The following GREB1L variants were observed in gnomAD, a reference collection of about 807,000 sequenced individuals.
GREB1L encodes GREB1 like retinoic acid receptor coactivator, also known as GREB1-like protein.
GREB1L carries 17 observed loss-of-function variants against 200.8 expected under a neutral mutation model. That is an observed-to-expected ratio of 0.08 (90% CI 0.06 to 0.13). The LOEUF is 0.13. GREB1L is among the 10% of genes least tolerant of loss of function. GREB1L has a pLI of 1.00. For missense variants in GREB1L, 1,657 were observed against 2,367.7 expected (o/e 0.70, Z 6.23); for synonymous variants, 789 against 893.0 (o/e 0.88, Z 2.08).
intron 12 of GREB1L, chr18:21,450,629 C>T (rs2034474192): frequency 1.9e-5 from 3 of 158,300 alleles, no homozygotes; most frequent in African/African-American, 7.2e-5. Flanking sequence ...TTTTCATACT[C>T]TTCCCTAGTC....
intron 15 of GREB1L, among the ~76,000 whole-genome samples, chr18:21,469,159 C>T (rs1423862392): frequency 6.6e-6 from 1 of 152,168 alleles, no homozygotes; most frequent in Admixed American, 6.5e-5. Context: ...ATCTTGCCTG[C>T]AATTTATTGT....
intron 1 of GREB1L, among the ~76,000 whole-genome samples, chr18:21,245,163 T>A (rs1038806257): frequency 6.6e-6 from 1 of 152,182 alleles, no homozygotes; most frequent in Non-Finnish European, 1.5e-5. Context: ...CTGCGTATGG[T>A]CTAAATTAAG....
chr18:21,438,991 AAAAG>A (rs963087467), intron 7 of GREB1L, among the ~76,000 whole-genome samples: 11 of 151,162 alleles, frequency 7.3e-5, no homozygotes, highest in African/African-American at 1.7e-4. Flanking sequence ...AAAAGAAAAG[AAAAG>A]AAAGAAAGAA....
chr18:21,390,050 G>T (rs1482076531), intron 4 of GREB1L, among the ~76,000 whole-genome samples: 1 of 152,130 alleles, frequency 6.6e-6, no homozygotes, highest in Non-Finnish European at 1.5e-5. Context: ...CATTGGTCCT[G>T]TAGGTTCCAA....
chr18:21,286,711 A>G (rs1188950133), intron 1 of GREB1L, among the ~76,000 whole-genome samples: 1 of 152,204 alleles, frequency 6.6e-6, no homozygotes, highest in Non-Finnish European at 1.5e-5. Flanking sequence ...TTTGTCACCC[A>G]GGCTGGAGTG....
intron 1 of GREB1L, among the ~76,000 whole-genome samples, chr18:21,344,721 T>C (rs1212319635): frequency 6.6e-6 from 1 of 152,154 alleles, no homozygotes; most frequent in African/African-American, 2.4e-5. Context: ...AGGCCAGGTG[T>C]TTAATAGCTG....
chr18:21,485,332 CCTT>C (rs1410178037), intron 17 of GREB1L: 2 of 262,114 alleles, frequency 7.6e-6, no homozygotes, highest in Non-Finnish European at 1.5e-5. Flanking sequence ...GGCTGTCTGA[CCTT>C]GTGTATCCCA....
intron 1 of GREB1L, among the ~76,000 whole-genome samples, chr18:21,268,520 TATAC>T (rs1312424294): frequency 1.9e-4 from 14 of 75,028 alleles, no homozygotes; most frequent in South Asian, 5.0e-4. Context: ...TGTATATATA[TATAC>T]ACACACACAC....
chr18:21,441,171 T>G (rs2033878206), intron 9 of GREB1L, among the ~76,000 whole-genome samples: 2 of 152,166 alleles, frequency 1.3e-5, no homozygotes, highest in Non-Finnish European at 2.9e-5. Context: ...GGAAGGAAAA[T>G]CAGCAAAATG....
chr18:21,515,352 C>T lies in GREB1L; in HGVS notation c.4902-65C>T, dbSNP rs1446528787. 1.5e-5 allele frequency: 16 copies of T among 1,088,068 alleles called. No homozygotes were observed. The East Asian group carries it at 3.3e-4, about 23-fold the overall frequency. The allele number at this position is 1,088,068 out of a possible 1,614,324, so 67.4% of individuals were successfully genotyped here. A position where few individuals can be genotyped will look rare whatever the true frequency, so the allele number is the denominator to read the frequency against. On this transcript the variant is annotated intron_variant, in intron 28 of 32. Transcript: ENST00000424526. ...TTACTGGTATATAGTAGTGTGTAGA[C>T]ACTTCACAAATGATCCTCTCTTCTG...
chr18:21,406,196 C>T (rs1451192201), intron 7 of GREB1L, among the ~76,000 whole-genome samples: 2 of 151,766 alleles, frequency 1.3e-5, no homozygotes, highest in African/African-American at 2.4e-5. Flanking sequence ...TTAATTCTAC[C>T]GGAAAATATA....
chr18:21,478,602 A>G (rs1203424884), intron 17 of GREB1L, among the ~76,000 whole-genome samples: 1 of 152,240 alleles, frequency 6.6e-6, no homozygotes, highest in Non-Finnish European at 1.5e-5. Flanking sequence ...CAGGAAGCTC[A>G]GGTCCTTGAA....
chr18:21,430,208 A>G lies in GREB1L; in HGVS notation c.833-9313A>G, dbSNP rs184258330. 6.2e-4 allele frequency among the ~76,000 whole-genome samples: 94 copies of G among 152,178 alleles called. 1 individual carries two copies. Among genetic ancestry groups the G allele is most frequent in the South Asian group, 4.4e-3 (21 of 4,824 alleles). On this transcript the variant is annotated intron_variant, in intron 7 of 32. Coordinates refer to ENST00000424526, the MANE Select transcript of GREB1L (RefSeq NM_001142966.3). Reference sequence around the variant, plus strand: ...TAGGAATTGGGGCCTCAACATATGGATTGCGGGGAGACAATTCAGTCTATA... The same window carrying G: ...TAGGAATTGGGGCCTCAACATATGGGTTGCGGGGAGACAATTCAGTCTATA...
chr18:21,259,274 G>A (rs1371753068), intron 1 of GREB1L, among the ~76,000 whole-genome samples: 1 of 152,164 alleles, frequency 6.6e-6, no homozygotes, highest in Non-Finnish European at 1.5e-5. Context: ...ATGATTTCAT[G>A]AAATACATTT....
At chr18:21,444,782 G>T (rs1287467684) in intron 11 of GREB1L, among the ~76,000 whole-genome samples, 4 of 152,222 alleles carry the variant, frequency 2.6e-5, no homozygotes, top group Non-Finnish European at 5.9e-5. Flanking sequence ...ACCATCTGGA[G>T]TGCAAACACA....
chr18:21,380,047 A>T (rs536576200), intron 2 of GREB1L, among the ~76,000 whole-genome samples: 2 of 152,300 alleles, frequency 1.3e-5, no homozygotes, highest in Admixed American at 1.3e-4. Flanking sequence ...ATTTAAATTC[A>T]TGGCATTTTG....
chr18:21,434,634 G>C (rs12455721), intron 7 of GREB1L, among the ~76,000 whole-genome samples: 3,029 of 150,878 alleles, frequency 0.02, 51 homozygotes, highest in Non-Finnish European at 0.032. Flanking sequence ...AGTTAACTTT[G>C]ACTAGGTTAA....
At chr18:21,374,850 C>CTTTTTTTTTTTTT in intron 2 of GREB1L, among the ~76,000 whole-genome samples, 1 of 130,258 alleles carries the variant, frequency 7.7e-6, no homozygotes, top group Non-Finnish European at 1.6e-5. Context: ...TTTCCTTTTC[C>CTTTTTTTTTTTTT]TTTTTTTTTT....
At chr18:21,484,429 T>C (rs538553267) in intron 17 of GREB1L, among the ~76,000 whole-genome samples, 1 of 152,236 alleles carries the variant, frequency 6.6e-6, no homozygotes, top group African/African-American at 2.4e-5. Context: ...CGTGAGCCAC[T>C]GCGCCCAGCC....
Sources: allele counts gnomAD v4.1 joint callset (sites outside exome capture counted in the v4.1 genomes callset), GRCh38; gene constraint gnomAD v4.1.1; transcripts MANE v1.5; gene names NCBI Gene and HGNC (gene_info 2026-07-23, HGNC 2026-07-21).